RHOT1: variants seen among roughly 807,000 people sequenced by gnomAD.
The protein encoded by RHOT1 is ras homolog family member T1.
RHOT1 carries 27 observed loss-of-function variants against 95.3 expected under a neutral mutation model. That is an observed-to-expected ratio of 0.28 (90% CI 0.21 to 0.39). The LOEUF (loss-of-function observed/expected upper bound fraction) is 0.39. Ranked by LOEUF, RHOT1 falls within the 10% of genes least tolerant of loss-of-function variation. RHOT1 has a pLI of 1.00. For synonymous variants in RHOT1, 227 were observed against 263.5 expected (o/e 0.86, Z 1.34); for missense variants, 578 against 786.7 (o/e 0.73, Z 3.17).
chr17:32,222,204 T>G (rs1445379401), intron 19 of RHOT1, among the ~76,000 whole-genome samples: 5 of 152,220 alleles, frequency 3.3e-5, no homozygotes, highest in African/African-American at 1.2e-4. Flanking sequence ...TGACTTTAAA[T>G]TCTATGCATC....
At chr17:32,192,161 C>A in intron 8 of RHOT1, 40 bp from the exon 9 acceptor site, 1 of 961,104 alleles carries the variant, frequency 1.0e-6, no homozygotes, top group Non-Finnish European at 1.6e-6. Context: ...TTATGAAAAT[C>A]ACAGTTTAAA....
At position 32,223,673 on chromosome 17, in the gene RHOT1, C is replaced by T. The variant is rs550086431; in HGVS notation, c.1863-943C>T. Among the ~76,000 whole-genome samples, 12 of 152,232 alleles carry T rather than the reference C, an allele frequency of 7.9e-5. No individual in the cohort carries two copies. The East Asian group carries it at 1.5e-3, about 20-fold the overall frequency. On this transcript the variant is annotated intron_variant, in intron 19 of 19. Transcript: ENST00000545287. The stretch of plus-strand genomic sequence containing the variant: ...CAGGTGATCCACCCGCCTCAGCCTC[C>T]GAAGTGCTGGGATTACAGGCATGAG...
At position 32,167,757 on chromosome 17, in the gene RHOT1, G is replaced by A. The variant is rs550490301; in HGVS notation, c.38-3286G>A. On this transcript the variant is annotated intron_variant, in intron 1 of 19. Coordinates refer to ENST00000545287, the MANE Select transcript of RHOT1 (RefSeq NM_001033566.3). ...GATACAAGGCTGTTTCATCTACATC[G>A]AAAATCTTGGTTGGGTCGTATAATA... 3.1e-4 allele frequency among the ~76,000 whole-genome samples: 47 copies of A among 152,250 alleles called. 1 individual carries two copies. The Middle Eastern group carries it at 0.01, about 33-fold the overall frequency.
intron 6 of RHOT1, chr17:32,179,762 T>G (rs2035435360): frequency 6.9e-6 from 1 of 145,306 alleles, no homozygotes; most frequent in Non-Finnish European, 1.5e-5. Flanking sequence ...ATCTGGGAAG[T>G]GAGGAACGCC....
At chr17:32,181,406 T>G (rs901708850) in intron 6 of RHOT1, among the ~76,000 whole-genome samples, 3 of 152,210 alleles carry the variant, frequency 2.0e-5, no homozygotes, top group Non-Finnish European at 4.4e-5. Context: ...TGCTTTTCCC[T>G]CAATCTTCAC....
At position 32,201,057 on chromosome 17, in the gene RHOT1, G is replaced by A. The variant is rs761337408; in HGVS notation, c.1201+1G>A. 2.6e-6 allele frequency: 4 copies of A among 1,565,806 alleles called. No individual in the cohort carries two copies. Among genetic ancestry groups the A allele is most frequent in the East Asian group, 2.2e-5 (1 of 44,584 alleles). On this transcript the variant is annotated splice_donor_variant, in intron 14 of 19. Coordinates refer to ENST00000545287, the MANE Select transcript of RHOT1 (RefSeq NM_001033566.3). LOFTEE classifies it high-confidence loss of function. ...GAGTCTCAAGCTTCAGCTGTTACAG[G>A]TAAGTATCTAGATACTGTTCAGCTC...
intron 6 of RHOT1, among the ~76,000 whole-genome samples, 158 bp from the exon 7 acceptor site, chr17:32,182,599 C>T (rs79057723): frequency 0.023 from 3,540 of 152,212 alleles, 86 homozygotes; most frequent in Admixed American, 0.079. Flanking sequence ...TGAGTAAATA[C>T]GTGCTATCTA....
At chr17:32,143,803 G>A (rs886614185) in intron 1 of RHOT1, among the ~76,000 whole-genome samples, 1 of 152,214 alleles carries the variant, frequency 6.6e-6, no homozygotes, top group Non-Finnish European at 1.5e-5. Context: ...CTGTTTCGAA[G>A]CATTCTGTTT....
intron 1 of RHOT1, among the ~76,000 whole-genome samples, chr17:32,161,047 A>T (rs1333579874): frequency 6.6e-6 from 1 of 152,208 alleles, no homozygotes. Flanking sequence ...TCTGCCTGCT[A>T]CACAGACAGA....
In RHOT1 at chr17:32,144,341, A is replaced by G. The variant is rs1450685614; in HGVS notation, c.37+1612A>G. ...GGCAGGCAGATCACTTGAGGTCAGG[A>G]GTTCGAGACGAGCCTGGCCAACATG... On this transcript the variant is annotated intron_variant, in intron 1 of 19. Coordinates refer to ENST00000545287, the MANE Select transcript of RHOT1 (RefSeq NM_001033566.3). Among the ~76,000 whole-genome samples, 3 of 151,970 alleles carry G rather than the reference A, an allele frequency of 2.0e-5. No homozygotes were observed. The East Asian group carries it at 5.8e-4, about 29-fold the overall frequency.
At chr17:32,185,570 C>CTGGTG (rs1185516083) in intron 8 of RHOT1, among the ~76,000 whole-genome samples, 14 of 152,086 alleles carry the variant, frequency 9.2e-5, no homozygotes, top group African/African-American at 3.1e-4. Context: ...CCATACCCAG[C>CTGGTG]TAATTTTTGT....
At position 32,202,849 on chromosome 17, in the gene RHOT1, A is replaced by G. The variant is rs759939646; in HGVS notation, c.1281A>G (p.Lys427=). The change falls in exon 15 of 20, where the codon AAA becomes AAG. Residue 427 remains lysine, a synonymous_variant. Coordinates refer to ENST00000545287, the MANE Select transcript of RHOT1 (RefSeq NM_001033566.3). Reference sequence around the variant, plus strand: ...TCAGATGTAATGTAATTGGAGTGAAAAACTGTGGGAAAAGTGGAGTTCTTC... The same window carrying G: ...TCAGATGTAATGTAATTGGAGTGAAGAACTGTGGGAAAAGTGGAGTTCTTC... ...NVFRCNVIGV[K]NCGKSGVLQA... 1 of 1,613,446 alleles carries G rather than the reference A, an allele frequency of 6.2e-7. No individual in the cohort carries two copies. Among genetic ancestry groups the G allele is most frequent in the Admixed American group, 1.7e-5 (1 of 59,962 alleles).
At chr17:32,146,009 CTG>C (rs144219542) in intron 1 of RHOT1, among the ~76,000 whole-genome samples, 27,731 of 152,076 alleles carry the variant, frequency 0.18, 2,620 homozygotes, top group South Asian at 0.26. Flanking sequence ...GGGTGAGAAT[CTG>C]TCTCAGAAAA....
intron 6 of RHOT1, among the ~76,000 whole-genome samples, chr17:32,181,244 A>G (rs918576402): frequency 6.6e-6 from 1 of 152,120 alleles, no homozygotes; most frequent in African/African-American, 2.4e-5. Context: ...TTCCCCACAG[A>G]CTTATCAGAT....
At chr17:32,170,867 G>T (rs73286133) in intron 1 of RHOT1, among the ~76,000 whole-genome samples, 176 bp from the exon 2 acceptor site, 1,724 of 152,210 alleles carry the variant, frequency 0.011, 33 homozygotes, top group African/African-American at 0.039. Context: ...TTTTAAAAAA[G>T]AGTATGTGTG....
chr17:32,196,655 C>G (rs1192589379), intron 11 of RHOT1, among the ~76,000 whole-genome samples: 1 of 152,200 alleles, frequency 6.6e-6, no homozygotes, highest in African/African-American at 2.4e-5. Context: ...TTTCACCTCT[C>G]TCCCTCTCGC....
chr17:32,223,418 T>A (rs770751635), intron 19 of RHOT1, among the ~76,000 whole-genome samples: 1 of 138,064 alleles, frequency 7.2e-6, no homozygotes, highest in Non-Finnish European at 1.6e-5. Context: ...CTTTTCTTTC[T>A]TTTTTTTTTT....
At chr17:32,197,684 TC>T (rs1383454328) in intron 11 of RHOT1, among the ~76,000 whole-genome samples, 2 of 152,196 alleles carry the variant, frequency 1.3e-5, no homozygotes, top group Non-Finnish European at 2.9e-5. Context: ...CGCCTCGGCC[TC>T]CCAAAGTACT....
At chr17:32,207,510 A>G (rs1408499141) in intron 17 of RHOT1, 1 of 154,262 alleles carries the variant, frequency 6.5e-6, no homozygotes, top group Non-Finnish European at 1.4e-5. Context: ...TGTTTTTAAC[A>G]GGAAAAAACT....
Sources: allele counts gnomAD v4.1 joint callset (sites outside exome capture counted in the v4.1 genomes callset), GRCh38; gene constraint gnomAD v4.1.1; transcripts MANE v1.5; gene names NCBI Gene and HGNC (gene_info 2026-07-23, HGNC 2026-07-21).